The following LMO1 variants were observed in gnomAD, a reference collection of about 807,000 sequenced individuals.
The protein encoded by LMO1 is rhombotin-1.
Under a neutral mutation model 18.0 loss-of-function variants are expected in LMO1, and 10 were observed. That is an observed-to-expected ratio of 0.55 (90% CI 0.34 to 0.94). The LOEUF is 0.94. Ranked by LOEUF, LMO1 falls within the 40% of genes least tolerant of loss-of-function variation. The probability of loss-of-function intolerance (pLI) is 0.02; values close to 1 mark genes in which losing one functional copy is unlikely to be tolerated. For missense variants in LMO1, 183 were observed against 205.7 expected (o/e 0.89, Z 0.68); for synonymous variants, 77 against 77.9 (o/e 0.99, Z 0.06).
rs559867367 is a variant in LMO1, at chr11:8,230,179, A to G, written c.239+112T>C. The G allele has an allele frequency of 1.5e-4, 140 of 907,450 alleles. No individual in the cohort carries two copies. In the African/African-American group the frequency reaches 2.0e-3, roughly 13 times the overall value. The allele number at this position is 907,450 out of a possible 1,614,324, so 56.2% of individuals were successfully genotyped here. A position where few individuals can be genotyped will look rare whatever the true frequency, so the allele number is the denominator to read the frequency against. On this transcript the variant is annotated intron_variant, in intron 2 of 3. Coordinates refer to ENST00000335790, the MANE Select transcript of LMO1 (RefSeq NM_002315.3). ...CAGGGGCAGGACAGTCAAGAATGAG[A>G]GGACACACAGGGTACTGGGTCTAGG... is the stretch of plus-strand genomic sequence containing the variant.
At chr11:8,261,703 A>G (rs1464311305) in intron 1 of LMO1, among the ~76,000 whole-genome samples, 1 of 152,168 alleles carries the variant, frequency 6.6e-6, no homozygotes, top group African/African-American at 2.4e-5. Flanking sequence ...CCAAGAGGGA[A>G]GGTGAACATG....
chr11:8,268,556 C>G (rs1373284868), upstream of LMO1: 4 of 993,734 alleles, frequency 4.0e-6, no homozygotes, highest in Non-Finnish European at 5.2e-6. Flanking sequence ...GCGCGGGCGC[C>G]GAGTCCGGAG....
At chr11:8,246,174 C>A (rs1321263138) in intron 1 of LMO1, among the ~76,000 whole-genome samples, 1 of 152,138 alleles carries the variant, frequency 6.6e-6, no homozygotes, top group Non-Finnish European at 1.5e-5. Flanking sequence ...TATCACCCAG[C>A]AACTCCCCTC....
chr11:8,251,766 GGT>G (rs1846997885), intron 1 of LMO1, among the ~76,000 whole-genome samples: 1 of 150,966 alleles, frequency 6.6e-6, no homozygotes, highest in Non-Finnish European at 1.5e-5. Context: ...ATGTGTGTGT[GGT>G]GTGTGTGGAG....
intron 1 of LMO1, among the ~76,000 whole-genome samples, chr11:8,257,584 T>C (rs1012453816): frequency 8.5e-5 from 13 of 152,270 alleles, no homozygotes; most frequent in Admixed American, 5.2e-4. Flanking sequence ...GCAGAAGGCA[T>C]GGCAAAAAGA....
At position 8,224,778 on chromosome 11, in the gene LMO1, G is replaced by T. The variant is rs973141521; in HGVS notation, c.366-57C>A. The T allele has an allele frequency of 9.9e-6, 12 of 1,208,160 alleles. No homozygotes were observed. In the East Asian group the frequency reaches 2.3e-4, roughly 23 times the overall value. The allele number at this position is 1,208,160 out of a possible 1,614,324, so 74.8% of individuals were successfully genotyped here. A position where few individuals can be genotyped will look rare whatever the true frequency, so the allele number is the denominator to read the frequency against. On this transcript the variant is annotated intron_variant, in intron 3 of 3. Transcript: ENST00000335790. ...GGGAAGGTCCCAGTGGGTAAGGGGG[G>T]GGCTGCAGACAGAAGCCGGCCTGGC...
intron 1 of LMO1, among the ~76,000 whole-genome samples, chr11:8,246,004 G>C (rs1302802720): frequency 6.6e-6 from 1 of 152,080 alleles, no homozygotes; most frequent in African/African-American, 2.4e-5. Flanking sequence ...ACAAGATTTT[G>C]AGTGAACTGA....
chr11:8,261,684 T>C (rs1847188700), intron 1 of LMO1, among the ~76,000 whole-genome samples: 1 of 152,168 alleles, frequency 6.6e-6, no homozygotes, highest in Non-Finnish European at 1.5e-5. Context: ...TCCAAGCCCT[T>C]CATTTTTACC....
intron 1 of LMO1, among the ~76,000 whole-genome samples, chr11:8,256,656 A>C (rs564940991): frequency 6.6e-6 from 1 of 151,898 alleles, no homozygotes; most frequent in South Asian, 2.1e-4. Context: ...GTAGCGAACA[A>C]GCTTGTTGCT....
rs770015881 is a variant in LMO1, at chr11:8,224,623, A to G, written c.464T>C (p.Val155Ala). The stretch of plus-strand genomic sequence containing the variant: ...GAGGCCAGGCGCCGGGCGTTACTGA[A>G]CTTGGGATTCAAAGGTGCCATTGAG... ...GQLNGTFESQ[V>A]Q The change falls in exon 4 of 4, where the codon GTT becomes GCT. Residue 155 changes from valine to alanine, a missense_variant. Transcript: ENST00000335790. The G allele has an allele frequency of 1.9e-6, 3 of 1,601,546 alleles. No homozygotes were observed. Among genetic ancestry groups the G allele is most frequent in the East Asian group, 4.5e-5 (2 of 44,598 alleles).
chr11:8,253,580 G>A (rs4237769), intron 1 of LMO1, among the ~76,000 whole-genome samples: 48,446 of 151,934 alleles, frequency 0.32, 9,372 homozygotes, highest in East Asian at 0.49. Context: ...GATGGCACCC[G>A]CAGGTAGCCC....
chr11:8,256,251 A>G, intron 1 of LMO1, among the ~76,000 whole-genome samples: 1 of 152,230 alleles, frequency 6.6e-6, no homozygotes, highest in East Asian at 1.9e-4. Context: ...CAATTCATAC[A>G]AGCATGAAAC....
chr11:8,251,655 C>T (rs1354638600), intron 1 of LMO1, among the ~76,000 whole-genome samples: 1 of 152,032 alleles, frequency 6.6e-6, no homozygotes, highest in Non-Finnish European at 1.5e-5. Context: ...CGGCGCTGGT[C>T]CAGGGGTGTG....
rs138693053 is a variant in LMO1 at position 8,260,890 on chromosome 11, G to C, written c.25+2448C>G. The stretch of plus-strand genomic sequence containing the variant: ...ACGCACCCTTTGGGGGAGCCGGGGG[G>C]TGGGGGAATGCTGCCACCCAGTTCA... On this transcript the variant is annotated intron_variant, in intron 1 of 3. Transcript: ENST00000335790. Among the ~76,000 whole-genome samples the C allele has an allele frequency of 5.7e-3, 864 of 152,222 alleles. 12 individuals carry two copies. Among genetic ancestry groups the C allele is most frequent in the African/African-American group, 0.019 (796 of 41,530 alleles).
In LMO1 at chr11:8,243,177, G is replaced by A. The variant is rs564031477; in HGVS notation, c.26-12673C>T. Among the ~76,000 whole-genome samples, 16 of 152,274 alleles carry A rather than the reference G, an allele frequency of 1.1e-4. No homozygotes were observed. The East Asian group carries it at 2.5e-3, about 24-fold the overall frequency. On this transcript the variant is annotated intron_variant, in intron 1 of 3. Transcript: ENST00000335790. ...GGATGCCTGCCTGAGGCATTGCCCC[G>A]GGGCTTCCTATTGAGGCCCTGGGGG...
chr11:8,238,670 CAA>C (rs11375128), intron 1 of LMO1, among the ~76,000 whole-genome samples: 6 of 60,886 alleles, frequency 9.9e-5, no homozygotes, highest in Admixed American at 2.0e-4. Flanking sequence ...GACTCCATCT[CAA>C]AAAAAAAAAA....
chr11:8,268,156 C>A (rs1847279685), upstream of LMO1, among the ~76,000 whole-genome samples: 2 of 152,254 alleles, frequency 1.3e-5, no homozygotes, highest in Non-Finnish European at 2.9e-5. Context: ...CCAGCCGGAG[C>A]GCGCAGGGCT....
In LMO1 at chr11:8,263,432, G is replaced by T. The variant is rs984014441; in HGVS notation, c.-70C>A. The T allele has an allele frequency of 1.3e-6, 2 of 1,585,346 alleles. No individual in the cohort carries two copies. Among genetic ancestry groups the T allele is most frequent in the Non-Finnish European group, 1.7e-6 (2 of 1,171,840 alleles). On this transcript the variant is annotated 5_prime_UTR_variant, in exon 1 of 4. Transcript: ENST00000335790. The stretch of plus-strand genomic sequence containing the variant: ...AGGGCGCCGACTCGGGGCGCGCTTT[G>T]GAGGGGCGGCCGGTCTTCGGGCAGC...
At chr11:8,227,454 T>G (rs1306110707) in intron 2 of LMO1, among the ~76,000 whole-genome samples, 1 of 152,180 alleles carries the variant, frequency 6.6e-6, no homozygotes, top group Middle Eastern at 3.2e-3. Flanking sequence ...AGGGGCAGAC[T>G]GAATCTTGGG....
Sources: gnomAD v4.1 joint callset for allele counts (sites outside exome capture counted in the v4.1 genomes callset) on GRCh38, gnomAD v4.1.1 for gene constraint, MANE v1.5 for transcripts, NCBI Gene and HGNC (gene_info 2026-07-23, HGNC 2026-07-21) for gene names.